Variants in GADL1 observed in about 807,000 individuals in gnomAD.
GADL1 encodes GAD like acidic amino acid decarboxylase 1, also known as acidic amino acid decarboxylase GADL1.
A neutral mutation model predicts 69.5 loss-of-function variants in GADL1; 71 were observed. The ratio of observed to expected loss-of-function variants is 1.02; its 90% CI spans 0.84 to 1.25. GADL1 has a LOEUF of 1.25. Among genes scored for constraint, GADL1 ranks in the 50% most tolerant of loss-of-function variants. GADL1 has a pLI of 0.00. For missense variants in GADL1, 737 were observed against 631.8 expected (o/e 1.17, Z -1.79); for synonymous variants, 254 against 214.4 (o/e 1.18, Z -1.62).
At chr3:30,840,132 T>G (rs1279981859) in intron 8 of GADL1, among the ~76,000 whole-genome samples, 1 of 152,120 alleles carries the variant, frequency 6.6e-6, no homozygotes, top group African/African-American at 2.4e-5. Context: ...TTTTCTCCAT[T>G]TAGCATGGAG....
At chr3:30,867,654 T>G (rs1284092320) in intron 1 of GADL1, among the ~76,000 whole-genome samples, 1 of 151,864 alleles carries the variant, frequency 6.6e-6, no homozygotes, top group Non-Finnish European at 1.5e-5. Context: ...CTGAGGTAAA[T>G]TTTTACTGAG....
intron 11 of GADL1, among the ~76,000 whole-genome samples, chr3:30,810,015 G>C (rs999621005): frequency 1.3e-5 from 2 of 152,144 alleles, no homozygotes; most frequent in African/African-American, 2.4e-5. Flanking sequence ...GATACATGAG[G>C]TGCTTGTGAT....
intron 4 of GADL1, among the ~76,000 whole-genome samples, 183 bp downstream of exon 4, chr3:30,854,516 C>T (rs1049632072): frequency 3.3e-5 from 5 of 152,070 alleles, no homozygotes; most frequent in Admixed American, 6.6e-5. Context: ...TTTTCCATCT[C>T]ACGGTACCAC....
chr3:30,894,623 C>T lies in GADL1; in HGVS notation c.-9G>A. 6.4e-7 allele frequency: 1 copy of T among 1,550,614 alleles called. No individual in the cohort carries two copies. Among genetic ancestry groups the T allele is most frequent in the Non-Finnish European group, 8.7e-7 (1 of 1,146,492 alleles). On this transcript the variant is annotated 5_prime_UTR_variant, in exon 1 of 15. Coordinates refer to ENST00000282538, the MANE Select transcript of GADL1 (RefSeq NM_207359.3). Reference sequence around the variant, plus strand: ...TCCGAGTCGCTGCTCATCTCCGCTCCCCCACTCCAGGCTGCCCCGGGCGCG... The same window carrying T: ...TCCGAGTCGCTGCTCATCTCCGCTCTCCCACTCCAGGCTGCCCCGGGCGCG...
intron 3 of GADL1, among the ~76,000 whole-genome samples, chr3:30,856,150 C>A (rs1164945489): frequency 6.6e-6 from 1 of 152,044 alleles, no homozygotes; most frequent in Non-Finnish European, 1.5e-5. Context: ...ATACACCAGA[C>A]TTTCCCAAAG....
intron 11 of GADL1, among the ~76,000 whole-genome samples, chr3:30,803,253 A>T (rs1344646489): frequency 6.6e-6 from 1 of 152,158 alleles, no homozygotes; most frequent in Non-Finnish European, 1.5e-5. Context: ...CTCTCCTCTG[A>T]TCACAGTTGC....
intron 14 of GADL1, among the ~76,000 whole-genome samples, chr3:30,767,936 A>G (rs1696322732): frequency 6.6e-6 from 1 of 152,154 alleles, no homozygotes; most frequent in African/African-American, 2.4e-5. Context: ...GAATACACTG[A>G]CAATCAGTAA....
intron 9 of GADL1, among the ~76,000 whole-genome samples, chr3:30,838,602 CT>C (rs1008021517): frequency 1.2e-4 from 18 of 152,144 alleles, no homozygotes; most frequent in Non-Finnish European, 1.9e-4. Context: ...ACCATCCCCC[CT>C]CTTTACAAAT....
chr3:30,769,771 A>T (rs1185050437), intron 14 of GADL1, among the ~76,000 whole-genome samples: 1 of 152,206 alleles, frequency 6.6e-6, no homozygotes, highest in Non-Finnish European at 1.5e-5. Context: ...CAGATCTGAC[A>T]GTATGAGACC....
Position 30,800,974 on chromosome 3 carries a change from C to A in GADL1, c.1165G>T (p.Asp389Tyr). The A allele has an allele frequency of 6.2e-7, 1 of 1,613,914 alleles. No homozygotes were observed. ...DKSIQCSRRP[D>Y]AFKFWMTWKA... is the part of the protein sequence containing the mutation. ...CAGGTCATCCAGAACTTGAATGCATCTGGTCTTCTGCTACACTGGATAGAC... is the reference window on the plus strand; with the variant it reads ...CAGGTCATCCAGAACTTGAATGCATATGGTCTTCTGCTACACTGGATAGAC... The change falls in exon 12 of 15, where the codon GAT (aspartate) becomes TAT (tyrosine). Residue 389 changes from aspartate (D) to tyrosine (Y), a missense_variant. Physicochemically the swap from Asp to Tyr is radical, Grantham distance 160. Coordinates refer to ENST00000282538, the MANE Select transcript of GADL1 (RefSeq NM_207359.3).
intron 11 of GADL1, among the ~76,000 whole-genome samples, chr3:30,824,828 GGTTAT>G (rs1697656587): frequency 6.6e-6 from 1 of 151,080 alleles, no homozygotes; most frequent in African/African-American, 2.4e-5. Context: ...CTGGGTTTCT[GGTTAT>G]GTTCTTTATT....
Position 30,868,049 on chromosome 3 carries a change from C to T in GADL1, c.38-6284G>A, listed in dbSNP as rs550542423. 7.9e-5 allele frequency among the ~76,000 whole-genome samples: 12 copies of T among 152,080 alleles called. No homozygotes were observed. The South Asian group carries it at 1.9e-3, about 24-fold the overall frequency. On this transcript the variant is annotated intron_variant, in intron 1 of 14. Transcript: ENST00000282538. ...GAAGTAACAACTTCATTGACAGCTG[C>T]CCAGACCTCCCACCTTGTCACTTTC...
intron 11 of GADL1, among the ~76,000 whole-genome samples, chr3:30,828,819 A>T (rs1370757208): frequency 6.6e-6 from 1 of 151,906 alleles, no homozygotes. Context: ...ATGAGAATGT[A>T]AATGCTTTTG....
At chr3:30,750,522 A>G (rs997972767) in intron 14 of GADL1, among the ~76,000 whole-genome samples, 4 of 152,206 alleles carry the variant, frequency 2.6e-5, no homozygotes, top group Non-Finnish European at 5.9e-5. Context: ...TGCAAAGGCA[A>G]GGTTATGAGA....
Position 30,856,966 on chromosome 3 carries a change from TAAG to T in GADL1, c.337+46_337+48del, listed in dbSNP as rs141606916. 10,489 of 1,491,636 alleles carry T rather than the reference TAAG, an allele frequency of 7.0e-3. 440 individuals carry two copies. In the East Asian group the frequency reaches 0.12, roughly 18 times the overall value. The allele number at this position is 1,491,636 out of a possible 1,614,324, so 92.4% of individuals were successfully genotyped here. On this transcript the variant is annotated intron_variant, in intron 3 of 14. Coordinates refer to ENST00000282538, the MANE Select transcript of GADL1 (RefSeq NM_207359.3). Reference sequence around the variant, plus strand: ...TCAGCTTTGAGAGGCTTTGCAAACATAAGAACTTGTCAGAGGTACAGATCAAGG... The same window carrying T: ...TCAGCTTTGAGAGGCTTTGCAAACATAACTTGTCAGAGGTACAGATCAAGG...
intron 12 of GADL1, among the ~76,000 whole-genome samples, chr3:30,794,790 A>G (rs1696995392): frequency 6.6e-6 from 1 of 152,186 alleles, no homozygotes; most frequent in Non-Finnish European, 1.5e-5. Flanking sequence ...GGGGAATATG[A>G]AGAGGGCTAT....
intron 9 of GADL1, among the ~76,000 whole-genome samples, chr3:30,835,574 G>A (rs1450780800): frequency 1.3e-5 from 2 of 152,030 alleles, no homozygotes; most frequent in African/African-American, 4.8e-5. Flanking sequence ...AGACTAGGGT[G>A]AAGTGAATGA....
chr3:30,754,207 C>T (rs577014634), intron 14 of GADL1, among the ~76,000 whole-genome samples: 16 of 152,110 alleles, frequency 1.1e-4, no homozygotes, highest in African/African-American at 3.4e-4. Context: ...TTGCTTTCCT[C>T]ATGGATTACA....
chr3:30,767,929 T>A (rs374280245), intron 14 of GADL1, among the ~76,000 whole-genome samples: 1 of 151,862 alleles, frequency 6.6e-6, no homozygotes, highest in African/African-American at 2.4e-5. Context: ...AAAAAATGAA[T>A]ACACTGACAA....
Sources: gnomAD v4.1 joint callset for allele counts (sites outside exome capture counted in the v4.1 genomes callset) on GRCh38, gnomAD v4.1.1 for gene constraint, MANE v1.5 for transcripts, NCBI Gene and HGNC (gene_info 2026-07-23, HGNC 2026-07-21) for gene names.